The following CPB1 variants were observed in gnomAD, a reference collection of about 807,000 sequenced individuals.
The protein encoded by CPB1 is carboxypeptidase B1, also known as carboxypeptidase B.
In CPB1, 53 loss-of-function variants were observed where a neutral mutation model predicts 51.4. The ratio of observed to expected loss-of-function variants is 1.03; its 90% CI spans 0.83 to 1.30. CPB1 has a LOEUF of 1.30. Ranked by LOEUF, CPB1 falls within the 50% of genes most tolerant of loss-of-function variation. The pLI is 0.00. For synonymous variants in CPB1, 189 were observed against 186.9 expected, an observed-to-expected ratio of 1.01 and a Z score of -0.09; for missense variants, 494 against 516.2, an observed-to-expected ratio of 0.96 and a Z score of 0.42.
At chr3:148,835,998 T>C (rs1712892565) in intron 3 of CPB1, among the ~76,000 whole-genome samples, 2 of 152,194 alleles carry the variant, frequency 1.3e-5, no homozygotes, top group African/African-American at 4.8e-5. Flanking sequence ...TTGCTCAACC[T>C]TTCTGAGCTT....
In CPB1 at chr3:148,844,688, GAGAA is replaced by G; in HGVS notation, c.703_706del (p.Lys235LeufsTer66). On this transcript the variant is annotated frameshift_variant, in exon 8 of 11. Coordinates refer to ENST00000282957, the MANE Select transcript of CPB1 (RefSeq NM_001871.3). LOFTEE classifies it high-confidence loss of function. ...TAGTCCACTTTCAGAGCCGATTTTG[GAGAA>G]AGACTCGCTCCACCCATACTGGATC... 9 of 1,613,876 alleles carry G rather than the reference GAGAA, an allele frequency of 5.6e-6. No homozygotes were observed. Among genetic ancestry groups the G allele is most frequent in the Non-Finnish European group, 7.6e-6 (9 of 1,179,858 alleles).
At chr3:148,852,893 T>G (rs995996755) in intron 9 of CPB1, among the ~76,000 whole-genome samples, 1 of 152,198 alleles carries the variant, frequency 6.6e-6, no homozygotes, top group Non-Finnish European at 1.5e-5. Flanking sequence ...TCCTTGCCCT[T>G]CTCTAATCTC....
chr3:148,859,137 CTT>C (rs1236719474), intron 10 of CPB1, among the ~76,000 whole-genome samples: 1 of 152,064 alleles, frequency 6.6e-6, no homozygotes. Context: ...CACTGTAAGA[CTT>C]TGGAGGGCAG....
At chr3:148,833,823 C>T (rs1268023180) in intron 2 of CPB1, among the ~76,000 whole-genome samples, 2 of 151,920 alleles carry the variant, frequency 1.3e-5, no homozygotes, top group East Asian at 1.9e-4. Context: ...GATTTGCCCA[C>T]TAATGTATTC....
intron 9 of CPB1, chr3:148,857,062 G>GTTTTTTTGCTT (rs750155151): frequency 2.1e-5 from 1 of 48,186 alleles, no homozygotes; most frequent in African/African-American, 9.8e-5. Context: ...ATTGCCAAGT[G>GTTTTTTTGCTT]TTTTTTTTTT....
At chr3:148,857,597 A>T in intron 10 of CPB1, 56 bp downstream of exon 10, 3 of 1,376,854 alleles carry the variant, frequency 2.2e-6, no homozygotes, top group Non-Finnish European at 3.1e-6. Flanking sequence ...AGCCAACGAA[A>T]GGTTCCTGGG....
chr3:148,845,087 A>T (rs527676536), intron 8 of CPB1, among the ~76,000 whole-genome samples: 1 of 152,256 alleles, frequency 6.6e-6, no homozygotes, highest in African/African-American at 2.4e-5. Context: ...ATCGTAATGC[A>T]ATTAAGAATG....
intron 9 of CPB1, 90 bp from the exon 10 acceptor site, chr3:148,857,367 T>C (rs888392769): frequency 3.2e-6 from 3 of 941,588 alleles, no homozygotes; most frequent in Non-Finnish European, 5.0e-6. Context: ...GTTACTTACA[T>C]GCTTTGAATG....
intron 5 of CPB1, among the ~76,000 whole-genome samples, chr3:148,841,234 C>T (rs1559958514): frequency 1.3e-5 from 2 of 152,158 alleles, no homozygotes; most frequent in Admixed American, 6.5e-5. Flanking sequence ...TTGTAAGCAA[C>T]GTAAATGATT....
At chr3:148,831,534 C>T (rs1162165571) in intron 2 of CPB1, among the ~76,000 whole-genome samples, 1 of 152,058 alleles carries the variant, frequency 6.6e-6, no homozygotes, top group African/African-American at 2.4e-5. Flanking sequence ...CAATCTTATT[C>T]CTGGAAAAAT....
chr3:148,834,991 G>A (rs781632032), intron 3 of CPB1, among the ~76,000 whole-genome samples: 1 of 152,134 alleles, frequency 6.6e-6, no homozygotes, highest in Non-Finnish European at 1.5e-5. Context: ...GGGGATCAGC[G>A]AGACCTATTG....
chr3:148,840,983 T>C lies in CPB1; in HGVS notation c.474+8T>C. 1 of 1,608,480 alleles carries C rather than the reference T, an allele frequency of 6.2e-7. No homozygotes were observed. The highest frequency in any genetic ancestry group is 1.1e-5 in the South Asian group (1 of 90,890). On this transcript the variant is annotated splice_region_variant and intron_variant, in intron 5 of 10. Transcript: ENST00000282957. ...GCTATTTACCTCCTGAAGGTAATCATTTTTAACCATGACCTTGCCATGTCT... is the reference window on the plus strand; with the variant it reads ...GCTATTTACCTCCTGAAGGTAATCACTTTTAACCATGACCTTGCCATGTCT...
intron 9 of CPB1, among the ~76,000 whole-genome samples, chr3:148,853,015 G>C (rs1254100372): frequency 6.6e-6 from 1 of 152,104 alleles, no homozygotes; most frequent in East Asian, 1.9e-4. Context: ...AATTATAAAA[G>C]TTAAGTTTCT....
Position 148,845,489 on chromosome 3 carries a change from G to A in CPB1, c.844G>A (p.Glu282Lys). 5.0e-6 allele frequency: 8 copies of A among 1,613,904 alleles called. No homozygotes were observed. The highest frequency in any genetic ancestry group is 6.8e-6 in the Non-Finnish European group (8 of 1,179,864). Reference sequence around the variant, plus strand: ...TGGACCTGCCGCAGAGTCTGAAAAGGAGACCAAGGCCCTGGCTGATTTCAT... The same window carrying A: ...TGGACCTGCCGCAGAGTCTGAAAAGAAGACCAAGGCCCTGGCTGATTTCAT... ...YCGPAAESEKETKALADFIRN... is the reference protein window; with the variant it reads ...YCGPAAESEKKTKALADFIRN... The change falls in exon 9 of 11, where the codon GAG becomes AAG. Residue 282 changes from glutamate (E) to lysine (K), a missense_variant. Glu to Lys is a moderately conservative substitution (Grantham distance 56). Coordinates refer to ENST00000282957, the MANE Select transcript of CPB1 (RefSeq NM_001871.3).
At chr3:148,831,977 T>G (rs190646135) in intron 2 of CPB1, among the ~76,000 whole-genome samples, 55 of 152,270 alleles carry the variant, frequency 3.6e-4, no homozygotes, top group East Asian at 2.5e-3. Flanking sequence ...CTAGGAAGTA[T>G]CAGAGACTAA....
chr3:148,833,009 A>C (rs1712786911), intron 2 of CPB1, among the ~76,000 whole-genome samples: 1 of 152,216 alleles, frequency 6.6e-6, no homozygotes, highest in Non-Finnish European at 1.5e-5. Flanking sequence ...ACACAAATTC[A>C]GAGCTAAGTT....
intron 10 of CPB1, among the ~76,000 whole-genome samples, chr3:148,858,426 G>T (rs980895123): frequency 2.6e-5 from 4 of 151,998 alleles, no homozygotes; most frequent in African/African-American, 9.7e-5. Flanking sequence ...CAAAAAATTA[G>T]CCAGGCGTGG....
chr3:148,841,608 T>C (rs917696066), intron 5 of CPB1, among the ~76,000 whole-genome samples: 2 of 152,184 alleles, frequency 1.3e-5, no homozygotes, highest in Non-Finnish European at 2.9e-5. Flanking sequence ...TTAATAAAAA[T>C]AATAAACAGC....
chr3:148,843,781 C>T (rs1263168702), intron 6 of CPB1, among the ~76,000 whole-genome samples: 1 of 152,094 alleles, frequency 6.6e-6, no homozygotes, highest in South Asian at 2.1e-4. Context: ...ACTACGAGAA[C>T]ATATTAAATG....
Sources: allele counts gnomAD v4.1 joint callset (sites outside exome capture counted in the v4.1 genomes callset), GRCh38; gene constraint gnomAD v4.1.1; transcripts MANE v1.5; gene names NCBI Gene and HGNC (gene_info 2026-07-23, HGNC 2026-07-21).